Variants in LATS1 observed in about 807,000 individuals in gnomAD.
The protein encoded by LATS1 is serine/threonine-protein kinase LATS1.
Under a neutral mutation model 106.6 loss-of-function variants are expected in LATS1, and 25 were observed. That is an observed-to-expected ratio of 0.23 (90% confidence interval 0.17 to 0.33). The LOEUF (loss-of-function observed/expected upper bound fraction) is 0.33, where lower values mean the gene tolerates loss of function less well. LATS1 is among the 10% of genes least tolerant of loss of function. The pLI is 1.00. For missense variants in LATS1, 1,040 were observed against 1,382.6 expected, an observed-to-expected ratio of 0.75 and a Z score of 3.93; for synonymous variants, 465 against 455.6, an observed-to-expected ratio of 1.02 and a Z score of -0.26.
intron 1 of LATS1, among the ~76,000 whole-genome samples, chr6:149,708,434 AT>A (rs1288117125): frequency 2.1e-5 from 3 of 146,270 alleles, no homozygotes; most frequent in East Asian, 2.1e-4. Flanking sequence ...AAAAAAAAAA[AT>A]TTCAATTGTA....
At position 149,659,251 on chromosome 6, in the gene LATS1, G is replaced by A. The variant is rs1006876374; in HGVS notation, c.*2478C>T. On this transcript the variant is annotated 3_prime_UTR_variant, in exon 8 of 8. Coordinates refer to ENST00000543571, the MANE Select transcript of LATS1 (RefSeq NM_004690.4). ...GGGAGGCTGAGGTGGGCATATAACT[G>A]GAGCCCAGGAATTCCACACCAACCT... The A allele has an allele frequency of 2.8e-5, 5 of 180,116 alleles. No homozygotes were observed. Among genetic ancestry groups the A allele is most frequent in the Non-Finnish European group, 3.6e-5 (3 of 84,166 alleles). 11.2% of individuals were successfully genotyped at this position (180,116 alleles called of 1,614,324 possible).
At chr6:149,663,921 C>T (rs958317412) in intron 7 of LATS1, among the ~76,000 whole-genome samples, 3 of 151,660 alleles carry the variant, frequency 2.0e-5, no homozygotes, top group African/African-American at 2.4e-5. Context: ...GATTCTCCTG[C>T]CTCAGCCTCC....
chr6:149,717,845 C>T lies in LATS1; in HGVS notation c.-141+4G>A. 1 of 320,604 alleles carries T rather than the reference C, an allele frequency of 3.1e-6. No individual in the cohort carries two copies. Among genetic ancestry groups the T allele is most frequent in the South Asian group, 2.2e-5 (1 of 45,042 alleles). The allele number at this position is 320,604 out of a possible 1,614,324, so 19.9% of individuals were successfully genotyped here. A position where few individuals can be genotyped will look rare whatever the true frequency, so the allele number is the denominator to read the frequency against. ...CGCACCCGCTACGCCAGCCCCGGAC[C>T]TACCTGGAGGGGAGAGCAGAGCTCC... On this transcript the variant is annotated splice_donor_region_variant and intron_variant, in intron 1 of 7. Transcript: ENST00000543571.
At chr6:149,694,109 A>G (rs936762849) in intron 3 of LATS1, among the ~76,000 whole-genome samples, 1 of 152,164 alleles carries the variant, frequency 6.6e-6, no homozygotes, top group African/African-American at 2.4e-5. Context: ...AAAAAATAAA[A>G]TAATAAATTG....
At position 149,690,819 on chromosome 6, in the gene LATS1, G is replaced by A. The variant is rs536445553; in HGVS notation, c.496+4255C>T. ...CTCCCAAAGTGCTGTGATCACAAGC[G>A]TGAGCTACCATGTGTGGCACTTAAA... On this transcript the variant is annotated intron_variant, in intron 3 of 7. Transcript: ENST00000543571. 1.5e-4 allele frequency among the ~76,000 whole-genome samples: 23 copies of A among 152,230 alleles called. No individual in the cohort carries two copies. The East Asian group carries it at 2.1e-3, about 14-fold the overall frequency.
At position 149,658,357 on chromosome 6, in the gene LATS1, T is replaced by G. The variant is rs1780774341; in HGVS notation, c.*3372A>C. 6.6e-6 allele frequency: 1 copy of G among 152,206 alleles called. No homozygotes were observed. Among genetic ancestry groups the G allele is most frequent in the African/African-American group, 2.4e-5 (1 of 41,466 alleles). The allele number at this position is 152,206 out of a possible 1,614,324, so 9.4% of individuals were successfully genotyped here. On this transcript the variant is annotated 3_prime_UTR_variant, in exon 8 of 8. Coordinates refer to ENST00000543571, the MANE Select transcript of LATS1 (RefSeq NM_004690.4). ...TTTTATAAAACTTTAATGTTGCCAC[T>G]GATTCAATTTTAATACAAAATACTT...
chr6:149,711,460 C>T (rs1407623965), intron 1 of LATS1, among the ~76,000 whole-genome samples: 1 of 152,162 alleles, frequency 6.6e-6, no homozygotes, highest in Non-Finnish European at 1.5e-5. Flanking sequence ...AGAAGAATTG[C>T]TTGAACCTGG....
intron 1 of LATS1, among the ~76,000 whole-genome samples, chr6:149,715,018 T>C (rs933119022): frequency 7.9e-5 from 12 of 152,302 alleles, no homozygotes; most frequent in African/African-American, 1.2e-4. Context: ...AATACCGATA[T>C]TGAATTTCAT....
rs920050985 is a variant in LATS1, at chr6:149,660,306, T to C, written c.*1423A>G. 2 of 233,026 alleles carry C rather than the reference T, an allele frequency of 8.6e-6. No individual in the cohort carries two copies. The highest frequency in any genetic ancestry group is 1.7e-5 in the Non-Finnish European group (2 of 117,976). 14.4% of individuals were successfully genotyped at this position (233,026 alleles called of 1,614,324 possible). ...TAGAAAGGTGGGAAGTGTGGGCTAATAAGTGTTCTTTGCCCTAACTCTCCA... is the reference window on the plus strand; with the variant it reads ...TAGAAAGGTGGGAAGTGTGGGCTAACAAGTGTTCTTTGCCCTAACTCTCCA... On this transcript the variant is annotated 3_prime_UTR_variant, in exon 8 of 8. Transcript: ENST00000543571.
chr6:149,706,056 G>A (rs1783743164), intron 1 of LATS1, among the ~76,000 whole-genome samples: 1 of 151,618 alleles, frequency 6.6e-6, no homozygotes, highest in South Asian at 2.1e-4. Context: ...GGTGGCACAT[G>A]CCTGTAATCT....
intron 5 of LATS1, among the ~76,000 whole-genome samples, chr6:149,678,194 A>AAAAAAAC (rs1781836614): frequency 1.4e-5 from 2 of 145,398 alleles, no homozygotes; most frequent in Admixed American, 6.8e-5. Flanking sequence ...AAAAAAAAAA[A>AAAAAAAC]ATAGCCGGGC....
At chr6:149,712,424 C>T (rs1276472818) in intron 1 of LATS1, among the ~76,000 whole-genome samples, 5 of 152,170 alleles carry the variant, frequency 3.3e-5, no homozygotes, top group Non-Finnish European at 5.9e-5. Flanking sequence ...TCTCGAACTC[C>T]CGACCTCAGG....
intron 3 of LATS1, among the ~76,000 whole-genome samples, chr6:149,690,432 C>T (rs1405247541): frequency 1.3e-5 from 2 of 151,832 alleles, no homozygotes; most frequent in African/African-American, 2.4e-5. Flanking sequence ...AGGCTGGTCT[C>T]GAACTCCCAA....
rs1780826664 is a variant in LATS1 at position 149,659,951 on chromosome 6, C to T, written c.*1778G>A. On this transcript the variant is annotated 3_prime_UTR_variant, in exon 8 of 8. Coordinates refer to ENST00000543571, the MANE Select transcript of LATS1 (RefSeq NM_004690.4). ...AGCAAGAGAGGCATTCATAAGGTCA[C>T]CTTATATCACATGCTACAGACCTTT... 3 of 231,116 alleles carry T rather than the reference C, an allele frequency of 1.3e-5. No homozygotes were observed. The highest frequency in any genetic ancestry group is 5.6e-5 in the Admixed American group (1 of 17,702). 14.3% of individuals were successfully genotyped at this position (231,116 alleles called of 1,614,324 possible).
At chr6:149,713,857 A>C in intron 1 of LATS1, among the ~76,000 whole-genome samples, 1 of 151,398 alleles carries the variant, frequency 6.6e-6, no homozygotes, top group Non-Finnish European at 1.5e-5. Flanking sequence ...ATGGGGTTTC[A>C]CCATGTTGGC....
intron 3 of LATS1, among the ~76,000 whole-genome samples, chr6:149,686,926 T>C (rs550891050): frequency 5.9e-5 from 9 of 152,302 alleles, no homozygotes; most frequent in African/African-American, 2.4e-5. Flanking sequence ...ATTCTCATGA[T>C]TGTATTTCAA....
chr6:149,678,017 T>TAA (rs1781813905), intron 5 of LATS1, among the ~76,000 whole-genome samples: 2 of 89,306 alleles, frequency 2.2e-5, no homozygotes, highest in Admixed American at 1.5e-4. Flanking sequence ...AAACTCCGTC[T>TAA]CAAAAAAAAA....
intron 1 of LATS1, 130 bp downstream of exon 1, chr6:149,717,719 G>C (rs981467697): frequency 1.1e-4 from 22 of 209,248 alleles, no homozygotes; most frequent in Non-Finnish European, 1.7e-4. Flanking sequence ...GGCCCGGAGC[G>C]GGCCGGCTCT....
intron 7 of LATS1, among the ~76,000 whole-genome samples, chr6:149,673,338 A>T (rs1781543518): frequency 6.6e-6 from 1 of 151,544 alleles, no homozygotes. Context: ...GGCTCAAGCA[A>T]TCCACCCGCC....
Sources: allele counts gnomAD v4.1 joint callset (sites outside exome capture counted in the v4.1 genomes callset), GRCh38; gene constraint gnomAD v4.1.1; transcripts MANE v1.5; gene names NCBI Gene and HGNC (gene_info 2026-07-23, HGNC 2026-07-21).